BCKDHB: variants seen among roughly 807,000 people sequenced by gnomAD.
BCKDHB encodes 2-oxoisovalerate dehydrogenase subunit beta, mitochondrial.
Under a neutral mutation model 48.5 loss-of-function variants are expected in BCKDHB, and 41 were observed. The ratio of observed to expected loss-of-function variants is 0.85; its 90% CI spans 0.66 to 1.10. BCKDHB has a LOEUF of 1.10. BCKDHB is among the 50% of genes least tolerant of loss of function. The pLI, the probability that BCKDHB is intolerant of heterozygous loss-of-function variation, is 0.00. For synonymous variants in BCKDHB, 201 were observed against 174.8 expected (o/e 1.15, Z -1.18); for missense variants, 496 against 494.2 (o/e 1.00, Z -0.03).
the BCKDHB span, among the ~76,000 whole-genome samples, chr6:80,382,944 G>C: frequency 6.6e-6 from 1 of 152,070 alleles, no homozygotes; most frequent in African/African-American, 2.4e-5. Context: ...CTTTTGCTAA[G>C]TCATACTGTG....
At chr6:80,442,647 G>A in the BCKDHB span, among the ~76,000 whole-genome samples, 8 of 152,122 alleles carry the variant, frequency 5.3e-5, no homozygotes, top group Admixed American at 3.9e-4. Flanking sequence ...AAGAGAGAAA[G>A]AGGTTGAGGA....
At chr6:80,230,023 G>GT (rs1215666594) in intron 8 of BCKDHB, among the ~76,000 whole-genome samples, 1,131 of 89,316 alleles carry the variant, frequency 0.013, 28 homozygotes, top group South Asian at 0.035. Flanking sequence ...GGGTTTTTAG[G>GT]TTGTTTTTTT....
chr6:80,397,607 G>T, the BCKDHB span, among the ~76,000 whole-genome samples: 1 of 152,198 alleles, frequency 6.6e-6, no homozygotes, highest in Non-Finnish European at 1.5e-5. Flanking sequence ...TCAAGGCTGA[G>T]TGTGGAGGTT....
intron 9 of BCKDHB, among the ~76,000 whole-genome samples, chr6:80,284,878 A>C (rs1482817411): frequency 2.0e-5 from 3 of 152,082 alleles, no homozygotes; most frequent in Non-Finnish European, 4.4e-5. Context: ...GGGCTTCAAA[A>C]AGCAGTAGCA....
At position 80,307,494 on chromosome 6, in the gene BCKDHB, C is replaced by G. The variant is rs1420599937; in HGVS notation, c.1038+34273C>G. On this transcript the variant is annotated intron_variant, in intron 9 of 9. Coordinates refer to ENST00000320393, the MANE Select transcript of BCKDHB (RefSeq NM_183050.4). ...TATTACATTTTTTTCAGATATACCC[C>G]CATGAAAGAACCTCTGTTAAATTTT... 8.1e-6 allele frequency: 8 copies of G among 984,786 alleles called. No individual in the cohort carries two copies. In the African/African-American group the frequency reaches 1.4e-4, roughly 17 times the overall value. The allele number at this position is 984,786 out of a possible 1,614,324, so 61.0% of individuals were successfully genotyped here. A position where few individuals can be genotyped will look rare whatever the true frequency, so the allele number is the denominator to read the frequency against.
At chr6:80,445,299 G>T in the BCKDHB span, among the ~76,000 whole-genome samples, 1 of 152,084 alleles carries the variant, frequency 6.6e-6, no homozygotes, top group Non-Finnish European at 1.5e-5. Flanking sequence ...ATGTGCCAAG[G>T]TTAAATATTT....
intron 9 of BCKDHB, among the ~76,000 whole-genome samples, chr6:80,340,209 T>C (rs974143890): frequency 6.6e-6 from 1 of 152,238 alleles, no homozygotes; most frequent in African/African-American, 2.4e-5. Context: ...TACTTTTCTT[T>C]AAGCACCTGT....
chr6:80,397,955 T>C, the BCKDHB span, among the ~76,000 whole-genome samples: 5 of 152,152 alleles, frequency 3.3e-5, no homozygotes, highest in African/African-American at 1.2e-4. Context: ...ACATGGAAGT[T>C]AAACAAGTTG....
intron 3 of BCKDHB, among the ~76,000 whole-genome samples, chr6:80,160,168 C>T (rs182654078): frequency 1.3e-5 from 2 of 152,048 alleles, no homozygotes; most frequent in Admixed American, 6.6e-5. Flanking sequence ...CATGCTTTTT[C>T]GTTTTCTTTT....
intron 3 of BCKDHB, among the ~76,000 whole-genome samples, chr6:80,158,172 T>C (rs980410980): frequency 6.6e-6 from 1 of 152,220 alleles, no homozygotes; most frequent in Non-Finnish European, 1.5e-5. Flanking sequence ...TTGCTGTGTG[T>C]TGACATTGTT....
chr6:80,452,881 T>G, the BCKDHB span, among the ~76,000 whole-genome samples: 2 of 152,326 alleles, frequency 1.3e-5, no homozygotes, highest in East Asian at 3.9e-4. Flanking sequence ...AACCTAATAC[T>G]TCTTAGCATG....
At chr6:80,122,152 G>T (rs907298643) in intron 1 of BCKDHB, among the ~76,000 whole-genome samples, 2 of 152,216 alleles carry the variant, frequency 1.3e-5, no homozygotes, top group African/African-American at 4.8e-5. Context: ...GATGGATTAC[G>T]TTTATTGATT....
chr6:80,191,085 A>G (rs1773871805), intron 6 of BCKDHB, among the ~76,000 whole-genome samples: 3 of 152,112 alleles, frequency 2.0e-5, no homozygotes, highest in Admixed American at 2.0e-4. Context: ...CCTGGTTTGC[A>G]TTGTTTAACC....
the BCKDHB span, among the ~76,000 whole-genome samples, chr6:80,419,336 G>A: frequency 1.3e-5 from 2 of 152,168 alleles, no homozygotes; most frequent in South Asian, 2.1e-4. Context: ...AGAAGCTATG[G>A]TGTGGGATCC....
chr6:80,267,990 T>A (rs1245814748), intron 8 of BCKDHB, among the ~76,000 whole-genome samples: 1 of 152,108 alleles, frequency 6.6e-6, no homozygotes, highest in Non-Finnish European at 1.5e-5. Flanking sequence ...CTAACATCTT[T>A]GCCAAAATGG....
the BCKDHB span, among the ~76,000 whole-genome samples, chr6:80,435,071 G>A: frequency 2.6e-5 from 4 of 152,206 alleles, no homozygotes; most frequent in East Asian, 1.9e-4. Context: ...TCTCCAATTA[G>A]CTTTGTAGAC....
chr6:80,275,311 C>G (rs1477574875), intron 9 of BCKDHB, among the ~76,000 whole-genome samples: 1 of 152,008 alleles, frequency 6.6e-6, no homozygotes, highest in Non-Finnish European at 1.5e-5. Flanking sequence ...CACATGCACT[C>G]TTAATTCAAA....
At chr6:80,129,779 A>G (rs1404584464) in intron 3 of BCKDHB, among the ~76,000 whole-genome samples, 2 of 152,032 alleles carry the variant, frequency 1.3e-5, no homozygotes, top group Non-Finnish European at 2.9e-5. Flanking sequence ...TTGCTCGGGA[A>G]CCTGCAGTCT....
intron 9 of BCKDHB, among the ~76,000 whole-genome samples, chr6:80,304,413 G>A (rs572379725): frequency 6.6e-6 from 1 of 152,236 alleles, no homozygotes; most frequent in African/African-American, 2.4e-5. Context: ...AACTGTTAAA[G>A]GTGACTCAAG....
Sources: gnomAD v4.1 joint callset for allele counts (sites outside exome capture counted in the v4.1 genomes callset) on GRCh38, gnomAD v4.1.1 for gene constraint, MANE v1.5 for transcripts, NCBI Gene and HGNC (gene_info 2026-07-23, HGNC 2026-07-21) for gene names.